Variants in GMDS observed in about 807,000 individuals in gnomAD.
The protein encoded by GMDS is GDP-mannose 4,6 dehydratase.
In GMDS, 20 loss-of-function variants were observed where a neutral mutation model predicts 49.9. The observed-to-expected ratio is 0.40, with a 90% confidence interval of 0.28 to 0.58. The LOEUF (loss-of-function observed/expected upper bound fraction) is 0.58. Ranked by LOEUF, GMDS falls within the 20% of genes least tolerant of loss-of-function variation. The probability of loss-of-function intolerance (pLI) is 0.42; values close to 1 mark genes in which losing one functional copy is unlikely to be tolerated. For synonymous variants in GMDS, 177 were observed against 178.6 expected (o/e 0.99, Z 0.07); for missense variants, 362 against 481.4 (o/e 0.75, Z 2.32).
At chr6:2,145,983 T>C (rs1776538894) in intron 1 of GMDS, among the ~76,000 whole-genome samples, 1 of 152,216 alleles carries the variant, frequency 6.6e-6, no homozygotes, top group South Asian at 2.1e-4. Context: ...GAGACAACTA[T>C]GCTGGCAAGT....
chr6:2,141,466 C>T (rs775387371), intron 1 of GMDS, among the ~76,000 whole-genome samples: 3 of 152,144 alleles, frequency 2.0e-5, no homozygotes, highest in Non-Finnish European at 2.9e-5. Flanking sequence ...TATTGAATAA[C>T]CTGCGTAGCA....
At chr6:2,143,911 T>C (rs1196119399) in intron 1 of GMDS, among the ~76,000 whole-genome samples, 1 of 152,220 alleles carries the variant, frequency 6.6e-6, no homozygotes, top group African/African-American at 2.4e-5. Context: ...TATTCATTCA[T>C]TCATTCATTC....
intron 6 of GMDS, among the ~76,000 whole-genome samples, chr6:1,948,208 T>C (rs1267179467): frequency 6.6e-6 from 1 of 152,206 alleles, no homozygotes; most frequent in Non-Finnish European, 1.5e-5. Flanking sequence ...GTTGAACACT[T>C]CTATATCCTT....
intron 7 of GMDS, among the ~76,000 whole-genome samples, chr6:1,822,679 A>C (rs1178412368): frequency 6.6e-6 from 1 of 151,700 alleles, no homozygotes; most frequent in Non-Finnish European, 1.5e-5. Flanking sequence ...TATACAAATA[A>C]ACCAAAAGTA....
chr6:2,014,856 G>A (rs1767794566), intron 4 of GMDS, among the ~76,000 whole-genome samples: 1 of 151,968 alleles, frequency 6.6e-6, no homozygotes. Flanking sequence ...GTCACAGGTA[G>A]ATCAAAAGTA....
intron 1 of GMDS, among the ~76,000 whole-genome samples, chr6:2,162,615 G>C (rs1237663643): frequency 6.7e-6 from 1 of 149,614 alleles, no homozygotes; most frequent in East Asian, 2.0e-4. Context: ...AATTATTCCT[G>C]GTTCAAATAA....
intron 7 of GMDS, among the ~76,000 whole-genome samples, chr6:1,847,404 C>A (rs1757458125): frequency 6.6e-6 from 1 of 152,130 alleles, no homozygotes; most frequent in African/African-American, 2.4e-5. Context: ...CATGGGGGAA[C>A]AACAATGAAA....
rs569074404 is a variant in GMDS at position 2,054,393 on chromosome 6, GACAC to G, written c.345+61374_345+61377del. ...AGTGGGAAGATTCTGGAAGGGAAGT[GACAC>G]TTGCAATAAAGATAAAGGAATAGCT... On this transcript the variant is annotated intron_variant, in intron 4 of 10. Coordinates refer to ENST00000380815, the MANE Select transcript of GMDS (RefSeq NM_001500.4). 2.5e-3 allele frequency among the ~76,000 whole-genome samples: 376 copies of G among 152,190 alleles called. 1 individual carries two copies. Among genetic ancestry groups the G allele is most frequent in the African/African-American group, 8.8e-3 (364 of 41,548 alleles).
chr6:1,848,227 G>A (rs996033337), intron 7 of GMDS, among the ~76,000 whole-genome samples: 6 of 152,042 alleles, frequency 3.9e-5, no homozygotes, highest in African/African-American at 7.3e-5. Flanking sequence ...ATCATCTACC[G>A]CTTGTAGAGT....
chr6:2,206,790 T>C (rs2127580159), intron 1 of GMDS, among the ~76,000 whole-genome samples: 1 of 152,276 alleles, frequency 6.6e-6, no homozygotes, highest in Admixed American at 6.5e-5. Flanking sequence ...GAGGAAACAC[T>C]ATGGGAACCA....
chr6:2,037,690 TGCTGTGAATAGAA>T (rs1769383292), intron 4 of GMDS, among the ~76,000 whole-genome samples: 1 of 152,190 alleles, frequency 6.6e-6, no homozygotes, highest in Non-Finnish European at 1.5e-5. Context: ...AGCGCCTGGA[TGCTGTGAATAGAA>T]AGAAGTGGTT....
At chr6:2,044,871 T>A (rs945995453) in intron 4 of GMDS, among the ~76,000 whole-genome samples, 2 of 147,678 alleles carry the variant, frequency 1.4e-5, no homozygotes, top group Admixed American at 1.4e-4. Context: ...CAATCTATAA[T>A]TTTTTCTTTT....
At chr6:1,793,835 T>A (rs900448158) in intron 7 of GMDS, among the ~76,000 whole-genome samples, 13 of 152,220 alleles carry the variant, frequency 8.5e-5, no homozygotes, top group African/African-American at 2.9e-4. Flanking sequence ...TCTAAGATTT[T>A]AAAAAAACAG....
At chr6:1,801,006 T>C (rs943095544) in intron 7 of GMDS, among the ~76,000 whole-genome samples, 4 of 152,170 alleles carry the variant, frequency 2.6e-5, no homozygotes, top group Admixed American at 1.3e-4. Context: ...ATGTGACAGA[T>C]CTCTGCAGCA....
At chr6:1,961,531 T>A (rs898289987) in intron 4 of GMDS, among the ~76,000 whole-genome samples, 2 of 152,244 alleles carry the variant, frequency 1.3e-5, no homozygotes, top group East Asian at 3.8e-4. Context: ...AAGATGCTAA[T>A]GTATATATGA....
At chr6:2,042,442 C>T (rs1769742287) in intron 4 of GMDS, among the ~76,000 whole-genome samples, 1 of 152,140 alleles carries the variant, frequency 6.6e-6, no homozygotes, top group Admixed American at 6.5e-5. Context: ...CCACCCCATA[C>T]CCTGGGCACC....
intron 4 of GMDS, among the ~76,000 whole-genome samples, chr6:1,966,396 C>T (rs2127308822): frequency 6.6e-6 from 1 of 150,430 alleles, no homozygotes; most frequent in East Asian, 2.0e-4. Flanking sequence ...ACCAAGCCTA[C>T]AAAATACTGC....
At chr6:1,793,450 C>T (rs1581188493) in intron 7 of GMDS, among the ~76,000 whole-genome samples, 1 of 152,206 alleles carries the variant, frequency 6.6e-6, no homozygotes, top group South Asian at 2.1e-4. Flanking sequence ...TAAATGACCT[C>T]TTTCAAGAAG....
At chr6:2,013,165 G>C (rs990763373) in intron 4 of GMDS, among the ~76,000 whole-genome samples, 3 of 152,180 alleles carry the variant, frequency 2.0e-5, no homozygotes, top group Non-Finnish European at 4.4e-5. Context: ...TTACAACTGA[G>C]AGAGCAGTAA....
Sources: gnomAD v4.1 joint callset for allele counts (sites outside exome capture counted in the v4.1 genomes callset) on GRCh38, gnomAD v4.1.1 for gene constraint, MANE v1.5 for transcripts, NCBI Gene and HGNC (gene_info 2026-07-23, HGNC 2026-07-21) for gene names.